The following STARD13 variants were observed in gnomAD, a reference collection of about 807,000 sequenced individuals.
STARD13 encodes stAR-related lipid transfer protein 13.
Under a neutral mutation model 106.4 loss-of-function variants are expected in STARD13, and 62 were observed. That is an observed-to-expected ratio of 0.58 (90% confidence interval 0.48 to 0.72). The LOEUF (loss-of-function observed/expected upper bound fraction) is 0.72. Ranked by LOEUF, STARD13 falls within the 30% of genes least tolerant of loss-of-function variation. The probability of loss-of-function intolerance (pLI) is 0.00; values close to 1 mark genes in which losing one functional copy is unlikely to be tolerated. For missense variants in STARD13, 1,387 were observed against 1,424.0 expected, an observed-to-expected ratio of 0.97 and a Z score of 0.42; for synonymous variants, 565 against 553.0, an observed-to-expected ratio of 1.02 and a Z score of -0.31.
At chr13:33,325,949 C>T (rs570249957) in intron 1 of STARD13, among the ~76,000 whole-genome samples, 31 of 139,296 alleles carry the variant, frequency 2.2e-4, no homozygotes, top group Non-Finnish European at 3.3e-4. Flanking sequence ...AGCGCCACTG[C>T]ACTCCAGCCT....
At chr13:33,289,320 C>T (rs1892197440), upstream of STARD13, among the ~76,000 whole-genome samples, 1 of 152,094 alleles carries the variant, frequency 6.6e-6, no homozygotes, top group Non-Finnish European at 1.5e-5. Flanking sequence ...CCAAAGACAG[C>T]AAAAGAGAAG....
At chr13:33,214,548 G>A (rs573881458) in intron 1 of STARD13, among the ~76,000 whole-genome samples, 4 of 152,238 alleles carry the variant, frequency 2.6e-5, no homozygotes, top group South Asian at 2.1e-4. Flanking sequence ...AGGAACATCC[G>A]CGCCGAGTGA....
At chr13:33,646,598 A>G in the STARD13 span, among the ~76,000 whole-genome samples, 1 of 152,162 alleles carries the variant, frequency 6.6e-6, no homozygotes, top group Non-Finnish European at 1.5e-5. Flanking sequence ...GATGTCACAC[A>G]TAGAATTTTG....
chr13:33,149,754 A>G lies in STARD13; in HGVS notation c.324-7381T>C, dbSNP rs138714280. Among the ~76,000 whole-genome samples, 17 of 152,356 alleles carry G rather than the reference A, an allele frequency of 1.1e-4. No homozygotes were observed. The East Asian group carries it at 2.9e-3, about 26-fold the overall frequency. Reference sequence around the variant, plus strand: ...ATTGGATGAAACATATCCCTGACAGATGTAAACGCCTCTTTAAGATCTGAC... The same window carrying G: ...ATTGGATGAAACATATCCCTGACAGGTGTAAACGCCTCTTTAAGATCTGAC... On this transcript the variant is annotated intron_variant, in intron 3 of 13. Coordinates refer to ENST00000336934, the MANE Select transcript of STARD13 (RefSeq NM_178006.4).
chr13:33,147,351 G>T (rs1880686279), intron 3 of STARD13, among the ~76,000 whole-genome samples: 1 of 152,148 alleles, frequency 6.6e-6, no homozygotes, highest in Non-Finnish European at 1.5e-5. Context: ...TGACCTTGAT[G>T]ATCTGCACAA....
At chr13:33,316,259 T>G (rs1027213127) in intron 1 of STARD13, among the ~76,000 whole-genome samples, 1 of 143,832 alleles carries the variant, frequency 7.0e-6, no homozygotes, top group Non-Finnish European at 1.5e-5. Context: ...TGCCTTCACT[T>G]CTTCTTTACC....
chr13:33,126,370 C>A, intron 6 of STARD13, 130 bp from the exon 7 acceptor site: 1 of 866,194 alleles, frequency 1.2e-6, no homozygotes, highest in Non-Finnish European at 1.8e-6. Flanking sequence ...ATTCAACATT[C>A]TCTCTGCATT....
intron 1 of STARD13, among the ~76,000 whole-genome samples, chr13:33,330,496 A>G (rs981080451): frequency 1.8e-4 from 27 of 152,168 alleles, no homozygotes; most frequent in African/African-American, 6.5e-4. Context: ...GGATATTAAG[A>G]GTTTTAAGTA....
At chr13:33,639,835 C>G in the STARD13 span, among the ~76,000 whole-genome samples, 1 of 152,190 alleles carries the variant, frequency 6.6e-6, no homozygotes, top group Non-Finnish European at 1.5e-5. Context: ...AAATCCTTTC[C>G]AATCACATGG....
At chr13:33,261,414 T>C (rs1890634382) in intron 1 of STARD13, among the ~76,000 whole-genome samples, 1 of 152,178 alleles carries the variant, frequency 6.6e-6, no homozygotes, top group African/African-American at 2.4e-5. Flanking sequence ...AGACAAGAGA[T>C]CTCAGAAATA....
At chr13:33,259,596 T>C (rs1345056031) in intron 1 of STARD13, among the ~76,000 whole-genome samples, 1 of 152,158 alleles carries the variant, frequency 6.6e-6, no homozygotes, top group Non-Finnish European at 1.5e-5. Flanking sequence ...TGCATTCTTA[T>C]TAGGTCTCAA....
At position 33,123,376 on chromosome 13, in the gene STARD13, T is replaced by G. The variant is rs186015130; in HGVS notation, c.2082+2705A>C. On this transcript the variant is annotated intron_variant, in intron 7 of 13. Transcript: ENST00000336934. ...TAATGATGTTTATCAGGACTTCCAT[T>G]TCCTCTTCTTTAGAAATGTGCTCAG... 8.5e-5 allele frequency among the ~76,000 whole-genome samples: 13 copies of G among 152,364 alleles called. No homozygotes were observed. The East Asian group carries it at 2.5e-3, about 29-fold the overall frequency.
chr13:33,311,463 A>G (rs1461519915), intron 1 of STARD13, among the ~76,000 whole-genome samples: 2 of 152,164 alleles, frequency 1.3e-5, no homozygotes, highest in African/African-American at 2.4e-5. Flanking sequence ...TCAAATCCCA[A>G]CTCGCCAACT....
intron 1 of STARD13, among the ~76,000 whole-genome samples, chr13:33,207,649 C>T (rs1342962117): frequency 6.6e-6 from 1 of 152,232 alleles, no homozygotes; most frequent in Non-Finnish European, 1.5e-5. Flanking sequence ...CCACCCCTTT[C>T]CCACTTCCTC....
chr13:33,568,799 T>C, the STARD13 span, among the ~76,000 whole-genome samples: 1 of 148,392 alleles, frequency 6.7e-6, no homozygotes, highest in East Asian at 2.0e-4. Flanking sequence ...TTTGTTAAGC[T>C]ACATTTCAGA....
the STARD13 span, among the ~76,000 whole-genome samples, chr13:33,493,172 T>C: frequency 6.6e-6 from 1 of 152,144 alleles, no homozygotes; most frequent in Non-Finnish European, 1.5e-5. Context: ...GCTAAAAAGT[T>C]TGCCATGATC....
intron 1 of STARD13, among the ~76,000 whole-genome samples, chr13:33,326,328 A>C (rs1276312888): frequency 1.3e-5 from 2 of 152,238 alleles, no homozygotes; most frequent in South Asian, 2.1e-4. Context: ...GTTAAACACC[A>C]CTTTTGTGCA....
the STARD13 span, among the ~76,000 whole-genome samples, chr13:33,576,525 T>C: frequency 0.11 from 16,150 of 152,150 alleles, 924 homozygotes; most frequent in Admixed American, 0.16. Context: ...TGAGCCACCA[T>C]GCCCAGCTTA....
At chr13:33,665,806 A>AAATAAAATGG in the STARD13 span, among the ~76,000 whole-genome samples, 540 of 152,316 alleles carry the variant, frequency 3.5e-3, 3 homozygotes, top group African/African-American at 0.012. Context: ...ATTAAGCTAG[A>AAATAAAATGG]AATAAAATGG....
Sources: allele counts gnomAD v4.1 joint callset (sites outside exome capture counted in the v4.1 genomes callset), GRCh38; gene constraint gnomAD v4.1.1; transcripts MANE v1.5; gene names NCBI Gene and HGNC (gene_info 2026-07-23, HGNC 2026-07-21).